Variants in NAGPA observed in about 807,000 individuals in gnomAD.
The protein encoded by NAGPA is alpha-N-acetylglucosaminyl phosphodiesterase.
Under a neutral mutation model 48.5 loss-of-function variants are expected in NAGPA, and 56 were observed. The observed-to-expected ratio is 1.15, with a 90% CI of 0.93 to 1.44. The LOEUF (loss-of-function observed/expected upper bound fraction) is 1.44, where lower values mean the gene tolerates loss of function less well. Among genes scored for constraint, NAGPA ranks in the 40% most tolerant of loss-of-function variants. The probability of loss-of-function intolerance (pLI) is 0.00; values close to 1 mark genes in which losing one functional copy is unlikely to be tolerated. For missense variants in NAGPA, 888 were observed against 735.0 expected (o/e 1.21, Z -2.41); for synonymous variants, 399 against 315.5 (o/e 1.26, Z -2.81).
At position 5,025,238 on chromosome 16, in the gene NAGPA, G is replaced by C; in HGVS notation, c.*240C>G. 1 of 579,046 alleles carries C rather than the reference G, an allele frequency of 1.7e-6. No individual in the cohort carries two copies. Among genetic ancestry groups the C allele is most frequent in the South Asian group, 2.0e-5 (1 of 49,664 alleles). 35.9% of individuals were successfully genotyped at this position (579,046 alleles called of 1,614,324 possible). On this transcript the variant is annotated 3_prime_UTR_variant, in exon 10 of 10. Coordinates refer to ENST00000312251, the MANE Select transcript of NAGPA (RefSeq NM_016256.4). Reference sequence around the variant, plus strand: ...CACGGGCTTCTCGGCAGCAGACACAGGCAGGCCAGAAGCAGGCAGCTGAGC... The same window carrying C: ...CACGGGCTTCTCGGCAGCAGACACACGCAGGCCAGAAGCAGGCAGCTGAGC...
Position 5,028,193 on chromosome 16 carries a change from G to A in NAGPA, c.921-8C>T, listed in dbSNP as rs774457974. On this transcript the variant is annotated splice_region_variant and splice_polypyrimidine_tract_variant and intron_variant, in intron 5 of 9. Transcript: ENST00000312251. ...CGCCACATGTTGTCCTGGCTGTAGA[G>A]GGATGTGATGTGTGAGGAGAGGACA... is the stretch of plus-strand genomic sequence containing the variant. The A allele has an allele frequency of 3.2e-6, 5 of 1,554,672 alleles. No individual in the cohort carries two copies. The highest frequency in any genetic ancestry group is 3.9e-5 in the Admixed American group (2 of 51,190).
At chr16:5,029,426 C>T (rs536208829) in intron 4 of NAGPA, 33 of 279,116 alleles carry the variant, frequency 1.2e-4, no homozygotes, top group Middle Eastern at 1.3e-3. Flanking sequence ...CCCCAGATGG[C>T]GGCCAGCAGG....
rs1234150276 is a variant in NAGPA, at chr16:5,028,944, C to G, written c.856G>C (p.Asp286His). ...ACAAAGGTGGCAGAGCCACCCCCAT[C>G]CAGGTTGATGGCGTTGACCACGTCC... ...KQDVVNAINLDGGGSATFVLN... is the reference protein window; with the variant it reads ...KQDVVNAINLHGGGSATFVLN... The change falls in exon 5 of 10, where the codon GAT (aspartate) becomes CAT (histidine). Residue 286 changes from aspartate to histidine, a missense_variant. Physicochemically the swap from Asp to His is moderately conservative, Grantham distance 81. Transcript: ENST00000312251. 6 of 1,614,114 alleles carry G rather than the reference C, an allele frequency of 3.7e-6. No homozygotes were observed. In the South Asian group the frequency reaches 5.5e-5, roughly 15 times the overall value.
Position 5,033,162 on chromosome 16 carries a change from AGGAGGAAACAGG to A in NAGPA, c.542+99_542+110del. ...AGCGATTCCTATCCCCATTCTGCAG[AGGAGGAAACAGG>A]GGCTCAGCTTGGTTAAGTGACTTGA... On this transcript the variant is annotated intron_variant, in intron 2 of 9. Coordinates refer to ENST00000312251, the MANE Select transcript of NAGPA (RefSeq NM_016256.4). The surrounding 1 kb of genome is among the most constrained non-coding windows in gnomAD (Gnocchi z 4.2). The A allele has an allele frequency of 1.6e-6, 2 of 1,241,212 alleles. No individual in the cohort carries two copies. The allele number at this position is 1,241,212 out of a possible 1,614,324, so 76.9% of individuals were successfully genotyped here.
intron 2 of NAGPA, among the ~76,000 whole-genome samples, chr16:5,032,728 A>G (rs1956124595): frequency 6.7e-6 from 1 of 150,272 alleles, no homozygotes; most frequent in Non-Finnish European, 1.5e-5. Flanking sequence ...CTGACACCCC[A>G]CTCCTTTTTC....
intron 3 of NAGPA, chr16:5,031,483 C>A: frequency 2.1e-6 from 1 of 486,198 alleles, no homozygotes; most frequent in South Asian, 2.1e-5. Flanking sequence ...ACCCACAGCT[C>A]CGGTCCCCAT....
chr16:5,028,435 A>G (rs1375588105), intron 5 of NAGPA: 10 of 765,458 alleles, frequency 1.3e-5, no homozygotes, highest in Admixed American at 1.2e-4. Flanking sequence ...GACAGGGTCT[A>G]TGTTGCCCAC....
intron 9 of NAGPA, among the ~76,000 whole-genome samples, chr16:5,025,901 T>G (rs984915695): frequency 6.6e-6 from 1 of 151,054 alleles, no homozygotes; most frequent in Non-Finnish European, 1.5e-5. Flanking sequence ...TGACGTACAA[T>G]GCAGGTCCGT....
chr16:5,030,430 C>G lies in NAGPA; in HGVS notation c.746G>C (p.Gly249Ala). 1 of 1,553,992 alleles carries G rather than the reference C, an allele frequency of 6.4e-7. No individual in the cohort carries two copies. Among genetic ancestry groups the G allele is most frequent in the South Asian group, 1.2e-5 (1 of 84,190 alleles). The change falls in exon 4 of 10, where the codon GGG (glycine) becomes GCG (alanine). Residue 249 changes from glycine to alanine, a missense_variant. Transcript: ENST00000312251. ...ARTAIGHDRK[G>A]QLVLFHADGQ... ...GTCTGCATGAAAGAGCACCAGCTGC[C>G]CTTTCCGGTCGTGGCCAATGGCCGT... is the stretch of plus-strand genomic sequence containing the variant.
Position 5,033,296 on chromosome 16 carries a change from G to A in NAGPA, c.519C>T (p.Arg173=), listed in dbSNP as rs1314685654. 1.3e-6 allele frequency: 2 copies of A among 1,596,022 alleles called. No individual in the cohort carries two copies. The highest frequency in any genetic ancestry group is 1.7e-6 in the Non-Finnish European group (2 of 1,179,016). Reference sequence around the variant, plus strand: ...ACCCGGTGACCAGGGTCCCGTCGCGGCGGATCCCGAACTGCGCGTTCTGCA... The same window carrying A: ...ACCCGGTGACCAGGGTCCCGTCGCGACGGATCCCGAACTGCGCGTTCTGCA... The part of the protein sequence containing the change: ...GGLQNAQFGI[R]RDGTLVTGYL... The change falls in exon 2 of 10, where the codon CGC becomes CGT. Residue 173 remains arginine (R), a synonymous_variant. Coordinates refer to ENST00000312251, the MANE Select transcript of NAGPA (RefSeq NM_016256.4). The surrounding 1 kb of genome is among the most constrained non-coding windows in gnomAD (Gnocchi z 4.2).
At chr16:5,027,402 G>T (rs1460364133) in intron 7 of NAGPA, 23 bp from the exon 8 acceptor site, 1 of 1,510,620 alleles carries the variant, frequency 6.6e-7, no homozygotes, top group Non-Finnish European at 8.9e-7. Context: ...GATGGGAGGA[G>T]GGAGGAGGGA....
At chr16:5,031,100 T>C (rs182234268) in intron 3 of NAGPA, 194 of 168,218 alleles carry the variant, frequency 1.2e-3, no homozygotes, top group African/African-American at 4.4e-3. Context: ...TGGCTAATTT[T>C]TGTATTTTTT....
At chr16:5,029,433 C>A (rs763784915) in intron 4 of NAGPA, 11 of 288,898 alleles carry the variant, frequency 3.8e-5, no homozygotes, top group Non-Finnish European at 6.8e-5. Context: ...TGGCGGCCAG[C>A]AGGGAAACCA....
At chr16:5,029,750 C>T (rs1956067652) in intron 4 of NAGPA, 1 of 159,238 alleles carries the variant, frequency 6.3e-6, no homozygotes, top group African/African-American at 2.4e-5. Flanking sequence ...ATGATGAAAC[C>T]CCATCTCTAC....
At chr16:5,027,477 C>A (rs1352539451) in intron 7 of NAGPA, 98 bp from the exon 8 acceptor site, 2 of 1,295,584 alleles carry the variant, frequency 1.5e-6, no homozygotes, top group Non-Finnish European at 2.2e-6. Flanking sequence ...TGCCCCTGCC[C>A]ATGTGTACAG....
chr16:5,028,446 A>G (rs1244547114), intron 5 of NAGPA: 7 of 730,372 alleles, frequency 9.6e-6, no homozygotes, highest in Admixed American at 6.2e-5. Context: ...TGTTGCCCAC[A>G]CTGGTCTTAA....
At chr16:5,028,532 GC>G in intron 5 of NAGPA, 1 of 581,510 alleles carries the variant, frequency 1.7e-6, no homozygotes, top group Non-Finnish European at 3.1e-6. Context: ...CCTGTGCCCA[GC>G]CCTCTCCAGT....
chr16:5,030,664 C>CG (rs1331577570), intron 3 of NAGPA, 171 bp from the exon 4 acceptor site: 13 of 678,632 alleles, frequency 1.9e-5, no homozygotes, highest in East Asian at 8.1e-5. Flanking sequence ...CCAGGGCAGC[C>CG]GGGGGGTCTC....
chr16:5,029,040 G>C, intron 4 of NAGPA, 32 bp from the exon 5 acceptor site: 2 of 1,610,048 alleles, frequency 1.2e-6, no homozygotes, highest in Non-Finnish European at 1.7e-6. Context: ...CTCAGGCTCA[G>C]CGCCCACCAT....
Sources: gnomAD v4.1 joint callset for allele counts (sites outside exome capture counted in the v4.1 genomes callset) on GRCh38, gnomAD v4.1.1 for gene constraint, Gnocchi (gnomAD v3.1) non-coding constraint, MANE v1.5 for transcripts, NCBI Gene and HGNC (gene_info 2026-07-23, HGNC 2026-07-21) for gene names.